The following LRP1B variants were observed in gnomAD, a reference collection of about 807,000 sequenced individuals.
LRP1B encodes low-density lipoprotein receptor-related protein 1B.
Under a neutral mutation model 556.6 loss-of-function variants are expected in LRP1B, and 217 were observed. That is an observed-to-expected ratio of 0.39 (90% CI 0.35 to 0.44). LRP1B has a LOEUF of 0.44. Among genes scored for constraint, LRP1B ranks in the 20% least tolerant of loss-of-function variants. The probability of loss-of-function intolerance (pLI) is 1.00; values close to 1 mark genes in which losing one functional copy is unlikely to be tolerated. For synonymous variants in LRP1B, 2,047 were observed against 1,865.8 expected, an observed-to-expected ratio of 1.10 and a Z score of -2.50; for missense variants, 5,053 against 5,620.8, an observed-to-expected ratio of 0.90 and a Z score of 3.23.
At chr2:141,842,146 A>G (rs1425527600) in intron 1 of LRP1B, among the ~76,000 whole-genome samples, 2 of 152,184 alleles carry the variant, frequency 1.3e-5, no homozygotes, top group Non-Finnish European at 2.9e-5. Context: ...AAATGAGATC[A>G]TACTTTCTGA....
chr2:141,072,717 C>A (rs776672366), intron 7 of LRP1B, among the ~76,000 whole-genome samples: 1 of 152,018 alleles, frequency 6.6e-6, no homozygotes, highest in Non-Finnish European at 1.5e-5. Flanking sequence ...ATTGTCCTAA[C>A]CCTTTGATTC....
chr2:141,081,135 G>A (rs1438780211), intron 7 of LRP1B, among the ~76,000 whole-genome samples: 2 of 152,148 alleles, frequency 1.3e-5, no homozygotes, highest in Non-Finnish European at 2.9e-5. Context: ...ACCCAGCAGA[G>A]CATTTGCTTT....
At chr2:141,849,360 A>G (rs1697764040) in intron 1 of LRP1B, among the ~76,000 whole-genome samples, 1 of 151,634 alleles carries the variant, frequency 6.6e-6, no homozygotes, top group Non-Finnish European at 1.5e-5. Flanking sequence ...TTTGTTGTTC[A>G]TAATCGAATT....
At chr2:141,748,959 T>A (rs1694007661) in intron 2 of LRP1B, among the ~76,000 whole-genome samples, 1 of 152,210 alleles carries the variant, frequency 6.6e-6, no homozygotes, top group South Asian at 2.1e-4. Flanking sequence ...ATAGTCTCAA[T>A]ACAGACATGA....
intron 82 of LRP1B, among the ~76,000 whole-genome samples, chr2:140,319,281 C>T (rs562701173): frequency 3.3e-5 from 5 of 152,220 alleles, no homozygotes; most frequent in African/African-American, 9.6e-5. Flanking sequence ...CTTGTAACAT[C>T]AGAGCCAATG....
chr2:141,376,516 G>A lies in LRP1B; in HGVS notation c.343+103880C>T, dbSNP rs551597582. 2.4e-4 allele frequency among the ~76,000 whole-genome samples: 36 copies of A among 151,804 alleles called. No homozygotes were observed. The South Asian group carries it at 4.6e-3, about 19-fold the overall frequency. Reference sequence around the variant, plus strand: ...AAATGTGAGCATCTACTTACTATTCGCATTCTTCTCCGTGGAGGAGGCACA... The same window carrying A: ...AAATGTGAGCATCTACTTACTATTCACATTCTTCTCCGTGGAGGAGGCACA... On this transcript the variant is annotated intron_variant, in intron 3 of 90. Transcript: ENST00000389484.
intron 66 of LRP1B, among the ~76,000 whole-genome samples, chr2:140,388,115 TTAG>T (rs1683845237): frequency 6.6e-6 from 1 of 152,108 alleles, no homozygotes; most frequent in Non-Finnish European, 1.5e-5. Flanking sequence ...TTTTGTATTT[TTAG>T]TAGAGACAGG....
chr2:141,962,075 T>C (rs935713614), intron 1 of LRP1B, among the ~76,000 whole-genome samples: 2 of 151,810 alleles, frequency 1.3e-5, no homozygotes, highest in African/African-American at 4.8e-5. Flanking sequence ...AGAAATTTCA[T>C]TGCTAAAATA....
chr2:140,863,326 T>C (rs1692855331), intron 27 of LRP1B, among the ~76,000 whole-genome samples: 1 of 152,184 alleles, frequency 6.6e-6, no homozygotes, highest in Admixed American at 6.5e-5. Flanking sequence ...TTCTCTCCTT[T>C]TCTTAGAGGA....
At chr2:141,506,311 T>C (rs965244630) in intron 2 of LRP1B, among the ~76,000 whole-genome samples, 6 of 152,130 alleles carry the variant, frequency 3.9e-5, no homozygotes, top group Non-Finnish European at 5.9e-5. Flanking sequence ...TTAATTAGTG[T>C]CACATACTTG....
chr2:141,356,311 T>G (rs1399607119), intron 3 of LRP1B, among the ~76,000 whole-genome samples: 2 of 152,200 alleles, frequency 1.3e-5, no homozygotes, highest in South Asian at 2.1e-4. Context: ...GAAGCCCTGA[T>G]AGTTTGTATT....
intron 32 of LRP1B, among the ~76,000 whole-genome samples, chr2:140,807,434 G>A (rs950057657): frequency 1.1e-4 from 16 of 151,806 alleles, no homozygotes; most frequent in Non-Finnish European, 1.8e-4. Context: ...TCTGCAGCCC[G>A]GGTTCAAGCG....
intron 86 of LRP1B, among the ~76,000 whole-genome samples, chr2:140,268,560 CA>C (rs1482240257): frequency 6.6e-6 from 1 of 151,964 alleles, no homozygotes; most frequent in Non-Finnish European, 1.5e-5. Flanking sequence ...CTCATTATGA[CA>C]CTGGTTATTA....
intron 3 of LRP1B, among the ~76,000 whole-genome samples, chr2:141,301,849 G>A (rs1489591966): frequency 1.3e-5 from 2 of 152,084 alleles, no homozygotes; most frequent in African/African-American, 2.4e-5. Context: ...TAGGCCTCTG[G>A]TTAAAGAATA....
chr2:140,394,607 T>A (rs1573886166), intron 66 of LRP1B, among the ~76,000 whole-genome samples: 1 of 152,214 alleles, frequency 6.6e-6, no homozygotes, highest in East Asian at 1.9e-4. Context: ...CATAACATTC[T>A]GCTTCTATCT....
intron 21 of LRP1B, among the ~76,000 whole-genome samples, chr2:140,921,554 T>G (rs1260561145): frequency 5.3e-5 from 8 of 152,014 alleles, no homozygotes. Context: ...CAATAATTCG[T>G]CTGCTAATTT....
intron 2 of LRP1B, among the ~76,000 whole-genome samples, chr2:141,529,408 AG>A (rs1684796837): frequency 6.6e-6 from 1 of 152,232 alleles, no homozygotes; most frequent in East Asian, 1.9e-4. Context: ...TTAAGAAGAG[AG>A]AACAGCAGAA....
At chr2:141,619,115 A>T (rs535860079) in intron 2 of LRP1B, among the ~76,000 whole-genome samples, 1 of 152,284 alleles carries the variant, frequency 6.6e-6, no homozygotes, top group Non-Finnish European at 1.5e-5. Context: ...TGATTTCTCT[A>T]TTCGGTTATT....
chr2:140,625,273 T>G (rs1683615508), intron 41 of LRP1B, among the ~76,000 whole-genome samples: 1 of 152,166 alleles, frequency 6.6e-6, no homozygotes, highest in African/African-American at 2.4e-5. Flanking sequence ...TTGGATGTAT[T>G]TTGAATCTAG....
Sources: allele counts gnomAD v4.1 joint callset (sites outside exome capture counted in the v4.1 genomes callset), GRCh38; gene constraint gnomAD v4.1.1; transcripts MANE v1.5; gene names NCBI Gene and HGNC (gene_info 2026-07-23, HGNC 2026-07-21).